Variants in TMEM131L observed in about 807,000 individuals in gnomAD.
TMEM131L encodes the protein transmembrane 131 like.
A neutral mutation model predicts 192.2 loss-of-function variants in TMEM131L; 54 were observed. The ratio of observed to expected loss-of-function variants is 0.28; its 90% CI spans 0.23 to 0.35. The LOEUF is 0.35. TMEM131L is among the 10% of genes least tolerant of loss of function. The pLI is 1.00. For synonymous variants in TMEM131L, 701 were observed against 704.9 expected (o/e 0.99, Z 0.09); for missense variants, 1,888 against 1,972.9 (o/e 0.96, Z 0.82).
chr4:153,531,248 G>C (rs1735880840), intron 3 of TMEM131L, among the ~76,000 whole-genome samples: 1 of 152,188 alleles, frequency 6.6e-6, no homozygotes, highest in Non-Finnish European at 1.5e-5. Context: ...TGATACGGGG[G>C]AAGTGCTGGA....
chr4:153,587,946 C>T lies in TMEM131L; in HGVS notation c.1552+135C>T, dbSNP rs1335808439. 4.5e-6 allele frequency: 3 copies of T among 671,930 alleles called. No individual in the cohort carries two copies. The African/African-American group carries it at 5.5e-5, about 12-fold the overall frequency. 41.6% of individuals were successfully genotyped at this position (671,930 alleles called of 1,614,324 possible). A position where few individuals can be genotyped will look rare whatever the true frequency, so the allele number is the denominator to read the frequency against. ...ATTCTATAGAGAGGATGATCATTAA[C>T]AGAATGACTTAAAATTGTTAAGAAC... On this transcript the variant is annotated intron_variant, in intron 15 of 34. Coordinates refer to ENST00000409959, the MANE Select transcript of TMEM131L (RefSeq NM_001131007.2).
At chr4:153,546,214 C>CT (rs539302643) in intron 3 of TMEM131L, among the ~76,000 whole-genome samples, 5,910 of 137,974 alleles carry the variant, frequency 0.043, 145 homozygotes, top group East Asian at 0.13. Flanking sequence ...TAACTAGGAG[C>CT]TTTTTTTTTT....
intron 33 of TMEM131L, 195 bp downstream of exon 33, chr4:153,634,475 G>A: frequency 1.9e-6 from 1 of 521,320 alleles, no homozygotes; most frequent in Non-Finnish European, 3.4e-6. Context: ...CCCTCAAAAA[G>A]CCCTCAATTT....
rs544127381 is a variant in TMEM131L at position 153,616,772 on chromosome 4, TA to T, written c.3568-3982del. Among the ~76,000 whole-genome samples, 15 of 152,330 alleles carry T rather than the reference TA, an allele frequency of 9.8e-5. No individual in the cohort carries two copies. The South Asian group carries it at 3.1e-3, about 32-fold the overall frequency. On this transcript the variant is annotated intron_variant, in intron 26 of 34. Coordinates refer to ENST00000409959, the MANE Select transcript of TMEM131L (RefSeq NM_001131007.2). ...ATTATTATTGTCTGTAGCTTTGCCA[TA>T]AGATTATAACTAAATTTTCTATAAA...
intron 3 of TMEM131L, among the ~76,000 whole-genome samples, chr4:153,485,109 ACT>A (rs1256025292): frequency 7.1e-6 from 1 of 140,910 alleles, no homozygotes; most frequent in East Asian, 2.1e-4. Context: ...AAAGAGCGAG[ACT>A]CTGTCTCATT....
intron 4 of TMEM131L, among the ~76,000 whole-genome samples, chr4:153,551,543 A>G (rs1341568892): frequency 2.0e-5 from 3 of 151,942 alleles, no homozygotes; most frequent in Non-Finnish European, 4.4e-5. Flanking sequence ...TTTAGTAGAG[A>G]CAGTGTTTTG....
intron 7 of TMEM131L, among the ~76,000 whole-genome samples, chr4:153,578,522 GTT>G (rs34872169): frequency 2.7e-4 from 34 of 127,712 alleles, no homozygotes; most frequent in Non-Finnish European, 2.0e-4. Context: ...TGCCCAGCTA[GTT>G]TTTTTTTTTT....
chr4:153,466,767 G>A (rs1354069683), intron 1 of TMEM131L, among the ~76,000 whole-genome samples: 1 of 152,162 alleles, frequency 6.6e-6, no homozygotes, highest in Non-Finnish European at 1.5e-5. Flanking sequence ...AGCCGCTCGC[G>A]CCCTGGAGCC....
intron 3 of TMEM131L, among the ~76,000 whole-genome samples, chr4:153,502,759 G>A (rs1359038757): frequency 6.6e-6 from 1 of 152,232 alleles, no homozygotes; most frequent in Non-Finnish European, 1.5e-5. Flanking sequence ...ATGAGAAGAT[G>A]CTTAGAGCAT....
chr4:153,607,172 T>A lies in TMEM131L; in HGVS notation c.3418+2742T>A, dbSNP rs72952854. Among the ~76,000 whole-genome samples the A allele has an allele frequency of 6.4e-3, 982 of 152,278 alleles. 10 individuals are homozygous for A. Among genetic ancestry groups the A allele is most frequent in the African/African-American group, 0.022 (929 of 41,556 alleles). ...TAATATTAAGGGTTTGGGGCTCTGT[T>A]GAATTTCAGAGGAAAGCATTGCAAT... On this transcript the variant is annotated intron_variant, in intron 25 of 34. Coordinates refer to ENST00000409959, the MANE Select transcript of TMEM131L (RefSeq NM_001131007.2).
intron 27 of TMEM131L, among the ~76,000 whole-genome samples, chr4:153,621,170 A>G (rs556582695): frequency 6.6e-6 from 1 of 152,274 alleles, no homozygotes; most frequent in African/African-American, 2.4e-5. Flanking sequence ...CCGTGTGGAG[A>G]CCTTCATTCT....
chr4:153,497,783 T>G lies in TMEM131L; in HGVS notation c.239+23895T>G, dbSNP rs952616480. On this transcript the variant is annotated intron_variant, in intron 3 of 34. Transcript: ENST00000409959. Reference sequence around the variant, plus strand: ...ATGCTTGGCTCTTTTTATCATAGACTATACTCTTTTCTACTCTATTATTTC... The same window carrying G: ...ATGCTTGGCTCTTTTTATCATAGACGATACTCTTTTCTACTCTATTATTTC... 2.0e-5 allele frequency among the ~76,000 whole-genome samples: 3 copies of G among 150,976 alleles called. No individual in the cohort carries two copies. In the South Asian group the frequency reaches 6.3e-4, roughly 32 times the overall value.
intron 7 of TMEM131L, among the ~76,000 whole-genome samples, chr4:153,569,625 C>G (rs1048317327): frequency 6.6e-6 from 1 of 152,196 alleles, no homozygotes. Context: ...GAATTCCAAA[C>G]CAGACCACCT....
chr4:153,557,187 A>G (rs1728529095), intron 6 of TMEM131L, 105 bp downstream of exon 6: 2 of 667,288 alleles, frequency 3.0e-6, no homozygotes, highest in Non-Finnish European at 5.4e-6. Flanking sequence ...CACCTGGTTT[A>G]TGTCGTTAAA....
intron 26 of TMEM131L, among the ~76,000 whole-genome samples, chr4:153,618,087 G>GTGAGTGGCAA (rs1417362249): frequency 1.2e-4 from 19 of 152,108 alleles, no homozygotes. Context: ...GTGGCTTTAA[G>GTGAGTGGCAA]AATGACTTTT....
At position 153,591,094 on chromosome 4, in the gene TMEM131L, A is replaced by C. The variant is rs764052822; in HGVS notation, c.1712A>C (p.Lys571Thr). 4.9e-5 allele frequency: 78 copies of C among 1,606,512 alleles called. No individual in the cohort carries two copies. Among genetic ancestry groups the C allele is most frequent in the Non-Finnish European group, 6.3e-5 (74 of 1,175,492 alleles). The change falls in exon 17 of 35, where the codon AAA (lysine) becomes ACA (threonine). Residue 571 changes from lysine (K) to threonine (T), a missense_variant. Lys to Thr is a moderately conservative substitution (Grantham distance 78). Coordinates refer to ENST00000409959, the MANE Select transcript of TMEM131L (RefSeq NM_001131007.2). The part of the protein sequence containing the change: ...LGTTRFAHLK[K>T]SKESESFVFF... ...ACAACTCGATTTGCTCACTTGAAGA[A>C]ATCCAAGGAGTCAGAGTCCTTTGTT...
At chr4:153,611,284 C>CA (rs1732594839) in intron 25 of TMEM131L, among the ~76,000 whole-genome samples, 1 of 152,124 alleles carries the variant, frequency 6.6e-6, no homozygotes, top group South Asian at 2.1e-4. Flanking sequence ...TTACAACTGT[C>CA]AAACAAGAGA....
At chr4:153,602,458 G>T in intron 22 of TMEM131L, 84 bp from the exon 23 acceptor site, 2 of 1,519,224 alleles carry the variant, frequency 1.3e-6, no homozygotes, top group South Asian at 1.2e-5. Context: ...TCTTTTGTAG[G>T]AGTATGATGT....
intron 30 of TMEM131L, among the ~76,000 whole-genome samples, chr4:153,626,939 A>G (rs1398884860): frequency 6.6e-6 from 1 of 152,250 alleles, no homozygotes; most frequent in Non-Finnish European, 1.5e-5. Context: ...TGATTTCTGC[A>G]GCACTGGACA....
Sources: allele counts gnomAD v4.1 joint callset (sites outside exome capture counted in the v4.1 genomes callset), GRCh38; gene constraint gnomAD v4.1.1; transcripts MANE v1.5; gene names NCBI Gene and HGNC (gene_info 2026-07-23, HGNC 2026-07-21).